RPL26: variants seen among roughly 807,000 people sequenced by gnomAD.
RPL26 encodes the protein large ribosomal subunit protein uL24.
In RPL26, 1 loss-of-function variant was observed where a neutral mutation model predicts 16.2. The ratio of observed to expected loss-of-function variants is 0.06; its 90% CI spans 0.02 to 0.29. RPL26 has a LOEUF of 0.29. Ranked by LOEUF, RPL26 falls within the 10% of genes least tolerant of loss-of-function variation. The pLI is 1.00. For missense variants in RPL26, 102 were observed against 184.3 expected (o/e 0.55, Z 2.58); for synonymous variants, 55 against 62.4 (o/e 0.88, Z 0.56).
intron 3 of RPL26, chr17:8,379,457 A>T: frequency 2.4e-6 from 1 of 422,286 alleles, no homozygotes. Flanking sequence ...ATGTAGTCAC[A>T]GCTACACTCA....
chr17:8,381,766 A>G (rs1239543216), intron 2 of RPL26: 1 of 225,082 alleles, frequency 4.4e-6, no homozygotes, highest in Non-Finnish European at 8.8e-6. Context: ...CGCCTCTACT[A>G]AAAACACAAA....
intron 2 of RPL26, 87 bp from the exon 3 acceptor site, chr17:8,380,023 C>T: frequency 9.3e-7 from 1 of 1,076,274 alleles, no homozygotes; most frequent in Non-Finnish European, 1.3e-6. Flanking sequence ...ACACCATTCA[C>T]CCTATCATTA....
intron 2 of RPL26, chr17:8,380,493 T>C (rs1907361623): frequency 6.5e-6 from 1 of 152,706 alleles, no homozygotes; most frequent in Non-Finnish European, 1.5e-5. Flanking sequence ...CTTTAGAGAC[T>C]GCCTGAATTC....
chr17:8,378,859 G>C (rs1035935374), intron 3 of RPL26, among the ~76,000 whole-genome samples: 13 of 152,274 alleles, frequency 8.5e-5, no homozygotes, highest in African/African-American at 3.1e-4. Flanking sequence ...GGGCTTTCTA[G>C]AGTGATCAAG....
rs780646917 is a variant in RPL26 at position 8,382,209 on chromosome 17, A to T, written c.102T>A (p.Leu34=). The change falls in exon 2 of 4, where the codon CTT becomes CTA. Residue 34 remains leucine, a synonymous_variant. Coordinates refer to ENST00000648839, the MANE Select transcript of RPL26 (RefSeq NM_000987.5). ...TGTACTTCTGTCTCAGCTCTTTGGA[A>T]AGAGGGGAAGACATAATCTTCCTTC... ...HIRRKIMSSP[L]SKELRQKYNV... 1.1e-5 allele frequency: 18 copies of T among 1,613,972 alleles called. No homozygotes were observed. In the South Asian group the frequency reaches 1.9e-4, roughly 17 times the overall value.
chr17:8,379,578 A>G (rs1907318589), intron 3 of RPL26: 1 of 583,780 alleles, frequency 1.7e-6, no homozygotes, highest in South Asian at 2.3e-5. Context: ...TCTCAAAAAC[A>G]AACTAACAGA....
intron 3 of RPL26, chr17:8,379,472 G>T: frequency 2.2e-6 from 1 of 455,408 alleles, no homozygotes; most frequent in Non-Finnish European, 3.9e-6. Flanking sequence ...CACTCAGGAG[G>T]CTGAGGCGGG....
intron 3 of RPL26, among the ~76,000 whole-genome samples, chr17:8,378,887 A>G (rs1210934383): frequency 6.6e-6 from 1 of 152,142 alleles, no homozygotes; most frequent in Admixed American, 6.5e-5. Context: ...CTACATTTGA[A>G]CAGAGACCTA....
intron 2 of RPL26, chr17:8,381,918 C>T (rs1392754973): frequency 2.2e-5 from 8 of 370,120 alleles, no homozygotes; most frequent in Admixed American, 1.7e-4. Context: ...GGGACAAGAG[C>T]GAGACTTCAT....
chr17:8,382,770 C>A (rs972051926), intron 1 of RPL26: 38 of 350,054 alleles, frequency 1.1e-4, no homozygotes, highest in Non-Finnish European at 8.2e-5. Context: ...ATAAGGCCCA[C>A]CAACCCGAAC....
intron 2 of RPL26, 93 bp from the exon 3 acceptor site, chr17:8,380,029 CATT>C (rs993486743): frequency 2.9e-5 from 30 of 1,034,262 alleles, no homozygotes; most frequent in African/African-American, 2.6e-4. Context: ...TTCACCCTAT[CATT>C]ATATTAAAAG....
chr17:8,379,836 G>C lies in RPL26; in HGVS notation c.269C>G (p.Ala90Gly), dbSNP rs1340570586. The C allele has an allele frequency of 1.9e-6, 3 of 1,613,620 alleles. No individual in the cohort carries two copies. In the Admixed American group the frequency reaches 5.0e-5, roughly 27 times the overall value. ...GCCTACGTGGACAGTTGTGCCATTA[G>C]CCTTTTCCCGCTGCACCCGTTCAAT... ...IYIERVQREKANGTTVHVGIH... is the reference protein window; with the variant it reads ...IYIERVQREKGNGTTVHVGIH... Residue 90 changes from alanine (A) to glycine (G), a missense_variant, in exon 3 of 4, where the codon GCT becomes GGT. Physicochemically the swap from Ala to Gly is moderately conservative, Grantham distance 60 (BLOSUM62 0). Coordinates refer to ENST00000648839, the MANE Select transcript of RPL26 (RefSeq NM_000987.5).
At chr17:8,382,081 C>T in intron 2 of RPL26, 62 bp downstream of exon 2, 1 of 1,426,710 alleles carries the variant, frequency 7.0e-7, no homozygotes, top group Non-Finnish European at 9.8e-7. Context: ...AATGCAATCT[C>T]TCTTCTAAGC....
intron 3 of RPL26, among the ~76,000 whole-genome samples, chr17:8,378,075 A>T (rs918539551): frequency 2.6e-5 from 4 of 152,216 alleles, no homozygotes; most frequent in African/African-American, 9.7e-5. Context: ...TCATGCCCCC[A>T]ATCCCAGCAC....
At chr17:8,378,528 ATAAAG>A (rs71934582) in intron 3 of RPL26, among the ~76,000 whole-genome samples, 31,598 of 152,010 alleles carry the variant, frequency 0.21, 3,462 homozygotes, top group Non-Finnish European at 0.26. Context: ...CAGAAAAATA[ATAAAG>A]TAACTTCAGA....
intron 3 of RPL26, among the ~76,000 whole-genome samples, chr17:8,378,903 G>GT (rs1185062090): frequency 4.6e-5 from 7 of 152,124 alleles, no homozygotes; most frequent in African/African-American, 1.7e-4. Flanking sequence ...ACCTAAAGTG[G>GT]TGAGCAATCT....
At chr17:8,377,972 AAT>A (rs1480001788) in intron 3 of RPL26, among the ~76,000 whole-genome samples, 2 of 152,236 alleles carry the variant, frequency 1.3e-5, no homozygotes, top group African/African-American at 2.4e-5. Flanking sequence ...TTCACTGAGA[AAT>A]ATATGATTCT....
intron 3 of RPL26, among the ~76,000 whole-genome samples, chr17:8,378,724 A>C (rs1907272501): frequency 6.6e-6 from 1 of 152,212 alleles, no homozygotes; most frequent in Admixed American, 6.5e-5. Context: ...GAAATACAGC[A>C]TGCAGACCAA....
In RPL26 at chr17:8,381,745, T is replaced by C. The variant is rs1475436492; in HGVS notation, c.168+398A>G. 4 of 215,016 alleles carry C rather than the reference T, an allele frequency of 1.9e-5. No homozygotes were observed. The South Asian group carries it at 2.2e-4, about 12-fold the overall frequency. The allele number at this position is 215,016 out of a possible 1,614,324, so 13.3% of individuals were successfully genotyped here. Reference sequence around the variant, plus strand: ...GAGTTCGAGACCACCCTGCCCAACATGGTGAAACCCCGCCTCTACTAAAAA... The same window carrying C: ...GAGTTCGAGACCACCCTGCCCAACACGGTGAAACCCCGCCTCTACTAAAAA... On this transcript the variant is annotated intron_variant, in intron 2 of 3. Coordinates refer to ENST00000648839, the MANE Select transcript of RPL26 (RefSeq NM_000987.5).
Sources: gnomAD v4.1 joint callset for allele counts (sites outside exome capture counted in the v4.1 genomes callset) on GRCh38, gnomAD v4.1.1 for gene constraint, MANE v1.5 for transcripts, NCBI Gene and HGNC (gene_info 2026-07-23, HGNC 2026-07-21) for gene names.